Variants in SSBP2 observed in about 807,000 individuals in gnomAD.
SSBP2 encodes single-stranded DNA-binding protein 2.
Under a neutral mutation model 61.8 loss-of-function variants are expected in SSBP2, and 17 were observed. The ratio of observed to expected loss-of-function variants is 0.28; its 90% CI spans 0.19 to 0.41. The LOEUF (loss-of-function observed/expected upper bound fraction) is 0.41. SSBP2 is among the 10% of genes least tolerant of loss of function. SSBP2 has a pLI of 1.00. For synonymous variants in SSBP2, 139 were observed against 141.3 expected, an observed-to-expected ratio of 0.98 and a Z score of 0.12; for missense variants, 310 against 458.7, an observed-to-expected ratio of 0.68 and a Z score of 2.96.
chr5:81,686,953 T>A (rs897647722), intron 1 of SSBP2, among the ~76,000 whole-genome samples: 3 of 144,544 alleles, frequency 2.1e-5, no homozygotes, highest in Non-Finnish European at 3.0e-5. Flanking sequence ...GATGGCCAAA[T>A]AGAAGCATCC....
chr5:81,633,926 G>A (rs1747965701), intron 3 of SSBP2, among the ~76,000 whole-genome samples: 1 of 152,112 alleles, frequency 6.6e-6, no homozygotes, highest in Non-Finnish European at 1.5e-5. Context: ...TCTATTTCTG[G>A]ACTTATTCGT....
chr5:81,657,015 G>A (rs1750288729), intron 1 of SSBP2, among the ~76,000 whole-genome samples: 2 of 152,056 alleles, frequency 1.3e-5, no homozygotes, highest in South Asian at 4.1e-4. Context: ...CCACGCTCAT[G>A]GAATCATTTG....
chr5:81,725,833 T>C (rs1045031601), intron 1 of SSBP2, among the ~76,000 whole-genome samples: 33 of 152,076 alleles, frequency 2.2e-4, no homozygotes, highest in African/African-American at 7.7e-4. Context: ...TGGTTAATAA[T>C]ATGAAGCAAG....
intron 1 of SSBP2, among the ~76,000 whole-genome samples, chr5:81,691,372 G>A (rs1000434421): frequency 2.0e-5 from 3 of 151,694 alleles, no homozygotes; most frequent in Non-Finnish European, 2.9e-5. Flanking sequence ...GATGAAAAAC[G>A]AGACATTACA....
intron 5 of SSBP2, among the ~76,000 whole-genome samples, chr5:81,508,320 T>C (rs1768336623): frequency 6.6e-6 from 1 of 152,162 alleles, no homozygotes; most frequent in Admixed American, 6.6e-5. Flanking sequence ...AGTTCCATAG[T>C]GTCACTCTGA....
At chr5:81,728,261 TCTGA>T (rs1756023447) in intron 1 of SSBP2, among the ~76,000 whole-genome samples, 1 of 152,182 alleles carries the variant, frequency 6.6e-6, no homozygotes, top group Non-Finnish European at 1.5e-5. Flanking sequence ...CATTGACAAA[TCTGA>T]CTTAGCACTT....
At chr5:81,583,662 C>T (rs1581089077) in intron 4 of SSBP2, among the ~76,000 whole-genome samples, 1 of 150,370 alleles carries the variant, frequency 6.7e-6, no homozygotes, top group East Asian at 1.9e-4. Context: ...GCCATTGAGA[C>T]ACATTTCCCA....
At chr5:81,445,142 A>G (rs1411100917) in intron 12 of SSBP2, among the ~76,000 whole-genome samples, 1 of 47,492 alleles carries the variant, frequency 2.1e-5, no homozygotes, top group Non-Finnish European at 4.0e-5. Flanking sequence ...AAAATTTTAT[A>G]TATATATATA....
chr5:81,636,669 C>T, intron 2 of SSBP2, 51 bp from the exon 3 acceptor site: 2 of 1,345,206 alleles, frequency 1.5e-6, no homozygotes, highest in Non-Finnish European at 2.1e-6. Context: ...TTTTTCCACA[C>T]ATATTACAAA....
At chr5:81,694,321 G>C (rs1199214562) in intron 1 of SSBP2, among the ~76,000 whole-genome samples, 1 of 152,160 alleles carries the variant, frequency 6.6e-6, no homozygotes, top group Non-Finnish European at 1.5e-5. Flanking sequence ...TAAAAAAGTA[G>C]AATTGTATTG....
In SSBP2 at chr5:81,424,996, C is replaced by T. The variant is rs116145045; in HGVS notation, c.1056+3589G>A. Among the ~76,000 whole-genome samples the T allele has an allele frequency of 2.3e-3, 350 of 152,278 alleles. 1 individual carries two copies. Among genetic ancestry groups the T allele is most frequent in the African/African-American group, 8.1e-3 (337 of 41,556 alleles). ...GGCTCTCCCTAACCAGATGATAAAA[C>T]AGCTCTTACAAAGCAGTCAACAGCA... On this transcript the variant is annotated intron_variant, in intron 16 of 16. Coordinates refer to ENST00000320672, the MANE Select transcript of SSBP2 (RefSeq NM_012446.5).
At chr5:81,460,142 C>T (rs1357197046) in intron 10 of SSBP2, among the ~76,000 whole-genome samples, 2 of 152,168 alleles carry the variant, frequency 1.3e-5, no homozygotes, top group East Asian at 3.8e-4. Context: ...AACACTGGAT[C>T]GGTTTCATAT....
At chr5:81,571,586 A>AT (rs1411109922) in intron 4 of SSBP2, among the ~76,000 whole-genome samples, 1 of 152,248 alleles carries the variant, frequency 6.6e-6, no homozygotes, top group African/African-American at 2.4e-5. Flanking sequence ...TGTATGTTTT[A>AT]TTTTTTAGCT....
intron 4 of SSBP2, among the ~76,000 whole-genome samples, chr5:81,611,772 C>A (rs1057486302): frequency 1.1e-4 from 16 of 151,958 alleles, no homozygotes; most frequent in Non-Finnish European, 4.4e-5. Context: ...ATTATTTTTA[C>A]AATAAAATGA....
intron 5 of SSBP2, among the ~76,000 whole-genome samples, chr5:81,501,568 T>C (rs1041972173): frequency 4.2e-5 from 6 of 142,050 alleles, no homozygotes; most frequent in African/African-American, 1.3e-4. Flanking sequence ...CTTTTCTTTT[T>C]TTTTTTTTTT....
intron 1 of SSBP2, among the ~76,000 whole-genome samples, chr5:81,657,553 G>A (rs1750331547): frequency 6.6e-6 from 1 of 152,098 alleles, no homozygotes; most frequent in South Asian, 2.1e-4. Flanking sequence ...AAGTAGGAAT[G>A]GGGCAGAAAA....
intron 4 of SSBP2, among the ~76,000 whole-genome samples, chr5:81,570,080 A>G (rs1773724879): frequency 6.6e-6 from 1 of 152,204 alleles, no homozygotes; most frequent in Non-Finnish European, 1.5e-5. Flanking sequence ...TAAGTGATAT[A>G]CTACTTGTCT....
intron 2 of SSBP2, among the ~76,000 whole-genome samples, chr5:81,647,668 G>A (rs533634629): frequency 2.6e-5 from 4 of 152,122 alleles, no homozygotes; most frequent in South Asian, 2.1e-4. Flanking sequence ...TTGACGTCTC[G>A]TGTGAAAGTG....
At chr5:81,610,799 G>A (rs1011249285) in intron 4 of SSBP2, among the ~76,000 whole-genome samples, 14 of 152,142 alleles carry the variant, frequency 9.2e-5, no homozygotes, top group African/African-American at 3.4e-4. Context: ...TTTCAGACCA[G>A]CCTGATCAAC....
Sources: allele counts gnomAD v4.1 joint callset (sites outside exome capture counted in the v4.1 genomes callset), GRCh38; gene constraint gnomAD v4.1.1; transcripts MANE v1.5; gene names NCBI Gene and HGNC (gene_info 2026-07-23, HGNC 2026-07-21).